The following INSR variants were observed in gnomAD, a reference collection of about 807,000 sequenced individuals.
The protein encoded by INSR is insulin receptor.
INSR carries 67 observed loss-of-function variants against 142.6 expected under a neutral mutation model. The ratio of observed to expected loss-of-function variants is 0.47; its 90% CI spans 0.39 to 0.58. The LOEUF is 0.58. Ranked by LOEUF, INSR falls within the 20% of genes least tolerant of loss-of-function variation. The probability of loss-of-function intolerance (pLI) is 0.00; values close to 1 mark genes in which losing one functional copy is unlikely to be tolerated. For synonymous variants in INSR, 756 were observed against 743.1 expected (o/e 1.02, Z -0.28); for missense variants, 1,248 against 1,833.2 (o/e 0.68, Z 5.83).
intron 2 of INSR, among the ~76,000 whole-genome samples, chr19:7,250,566 AAAGG>A (rs1976693126): frequency 7.3e-6 from 1 of 136,102 alleles, no homozygotes; most frequent in African/African-American, 2.7e-5. Flanking sequence ...AAATAAAGAA[AAAGG>A]AAGGAAGGAG....
intron 3 of INSR, among the ~76,000 whole-genome samples, chr19:7,181,773 G>T (rs1207644966): frequency 6.6e-6 from 1 of 151,448 alleles, no homozygotes; most frequent in Non-Finnish European, 1.5e-5. Flanking sequence ...TAAAGACGGG[G>T]TTTCACCGTG....
chr19:7,284,313 C>T (rs1392991507), intron 1 of INSR, among the ~76,000 whole-genome samples: 1 of 152,060 alleles, frequency 6.6e-6, no homozygotes, highest in Non-Finnish European at 1.5e-5. Context: ...ATCCACCTGC[C>T]TCAACCTCCC....
intron 1 of INSR, 34 bp downstream of exon 1, chr19:7,293,758 C>A: frequency 7.6e-7 from 1 of 1,319,512 alleles, no homozygotes; most frequent in Non-Finnish European, 9.7e-7. Context: ...CCCATCGCGG[C>A]GCTCCCCGCC....
At chr19:7,160,437 G>A (rs1021123727) in intron 9 of INSR, among the ~76,000 whole-genome samples, 1 of 146,362 alleles carries the variant, frequency 6.8e-6, no homozygotes, top group Admixed American at 6.6e-5. Context: ...ATGAGCCACT[G>A]TGCCCGGCCT....
intron 2 of INSR, among the ~76,000 whole-genome samples, chr19:7,197,838 G>GAGGGAGAA (rs1555750099): frequency 1.0e-5 from 1 of 100,424 alleles, no homozygotes; most frequent in African/African-American, 4.2e-5. Flanking sequence ...GAGAGAACGA[G>GAGGGAGAA]AGAGAGAGAG....
intron 2 of INSR, among the ~76,000 whole-genome samples, chr19:7,233,971 A>G (rs1235621164): frequency 6.6e-6 from 1 of 151,748 alleles, no homozygotes; most frequent in East Asian, 1.9e-4. Flanking sequence ...CAGTGGCGCA[A>G]TCTCGGCTCA....
At chr19:7,148,803 TA>T (rs1973247783) in intron 11 of INSR, among the ~76,000 whole-genome samples, 1 of 150,396 alleles carries the variant, frequency 6.6e-6, no homozygotes, top group African/African-American at 2.5e-5. Flanking sequence ...ATTTTATTTT[TA>T]TTTTTTTTGA....
At position 7,113,506 on chromosome 19, in the gene INSR, G is replaced by A. The variant is rs1599859473; in HGVS notation, c.*3550C>T. The A allele has an allele frequency of 6.6e-6, 1 of 152,314 alleles. No individual in the cohort carries two copies. The highest frequency in any genetic ancestry group is 1.9e-4 in the East Asian group (1 of 5,186). 9.4% of individuals were successfully genotyped at this position (152,314 alleles called of 1,614,324 possible). A position where few individuals can be genotyped will look rare whatever the true frequency, so the allele number is the denominator to read the frequency against. On this transcript the variant is annotated 3_prime_UTR_variant, in exon 22 of 22. Coordinates refer to ENST00000302850, the MANE Select transcript of INSR (RefSeq NM_000208.4). ...GTATTTGACATCACTGATGCAGAGA[G>A]AAAGTGATGTGCTTGGTATTCTCCT...
chr19:7,252,973 G>A (rs577175671), intron 2 of INSR, among the ~76,000 whole-genome samples: 21 of 152,118 alleles, frequency 1.4e-4, no homozygotes, highest in South Asian at 4.1e-4. Context: ...AAATTAGCCG[G>A]GCGTGGTGGC....
At chr19:7,277,497 C>CA (rs1257883935) in intron 1 of INSR, among the ~76,000 whole-genome samples, 1 of 152,106 alleles carries the variant, frequency 6.6e-6, no homozygotes, top group Admixed American at 6.6e-5. Context: ...AGTACTAAAA[C>CA]AAAGAACTGC....
chr19:7,203,002 T>TTGTTTTG (rs1975009031), intron 2 of INSR, among the ~76,000 whole-genome samples: 3 of 151,206 alleles, frequency 2.0e-5, no homozygotes, highest in Admixed American at 6.6e-5. Flanking sequence ...TGTTGTTTTT[T>TTGTTTTG]TTTTTTTTTT....
chr19:7,256,760 CATCT>C (rs1161150189), intron 2 of INSR, among the ~76,000 whole-genome samples: 1 of 151,758 alleles, frequency 6.6e-6, no homozygotes, highest in Non-Finnish European at 1.5e-5. Flanking sequence ...AAATGCCAAT[CATCT>C]GAGTGAAAAA....
chr19:7,259,516 G>A (rs911156267), intron 2 of INSR, among the ~76,000 whole-genome samples: 5 of 152,042 alleles, frequency 3.3e-5, no homozygotes, highest in Non-Finnish European at 7.4e-5. Context: ...AGACAATTCC[G>A]ATTGTTAAAA....
At chr19:7,141,403 T>A (rs1973066670) in intron 13 of INSR, 1 of 486,952 alleles carries the variant, frequency 2.1e-6, no homozygotes, top group Non-Finnish European at 3.8e-6. Context: ...GTGAAATGAG[T>A]CTCCTGTTGT....
At position 7,130,965 on chromosome 19, in the gene INSR, G is replaced by A. The variant is rs184165358; in HGVS notation, c.2842+1193C>T. On this transcript the variant is annotated intron_variant, in intron 14 of 21. Transcript: ENST00000302850. ...GTGATGTCGGCTCACTGCAACCTCC[G>A]CCTCCCGGGTTCAAGTGATTCTCCT... Among the ~76,000 whole-genome samples, 12 of 146,650 alleles carry A rather than the reference G, an allele frequency of 8.2e-5. 1 individual carries two copies. The East Asian group carries it at 2.4e-3, about 29-fold the overall frequency.
At chr19:7,210,662 G>A (rs950774369) in intron 2 of INSR, among the ~76,000 whole-genome samples, 22 of 151,992 alleles carry the variant, frequency 1.4e-4, no homozygotes, top group African/African-American at 3.1e-4. Context: ...AAGTTAAGGC[G>A]TGCCAAAACC....
rs772500676 is a variant in INSR, at chr19:7,256,931, C to CTTT, written c.652+10411_652+10413dup. Among the ~76,000 whole-genome samples the CTTT allele has an allele frequency of 3.7e-4, 41 of 109,474 alleles. 1 individual carries two copies. The highest frequency in any genetic ancestry group is 7.7e-4 in the Admixed American group (7 of 9,128). The allele number at this position is 109,474 out of a possible 152,430, so 71.8% of individuals were successfully genotyped here. On this transcript the variant is annotated intron_variant, in intron 2 of 21. Coordinates refer to ENST00000302850, the MANE Select transcript of INSR (RefSeq NM_000208.4). ...ATTCACGTTACATGCTCTACCCTACCTTTTTTTTTTTTTTTTTTTTTCTTT... is the reference window on the plus strand; with the variant it reads ...ATTCACGTTACATGCTCTACCCTACCTTTTTTTTTTTTTTTTTTTTTTTTCTTT...
intron 2 of INSR, among the ~76,000 whole-genome samples, chr19:7,233,127 G>T (rs907377364): frequency 2.0e-5 from 3 of 152,008 alleles, no homozygotes; most frequent in African/African-American, 7.2e-5. Flanking sequence ...CTGAGTAGCT[G>T]GGATTACAGG....
At chr19:7,191,134 T>G (rs1424182325) in intron 2 of INSR, among the ~76,000 whole-genome samples, 1 of 151,892 alleles carries the variant, frequency 6.6e-6, no homozygotes, top group Admixed American at 6.6e-5. Context: ...CCATCTCTAC[T>G]AAAAATACAA....
Sources: allele counts gnomAD v4.1 joint callset (sites outside exome capture counted in the v4.1 genomes callset), GRCh38; gene constraint gnomAD v4.1.1; transcripts MANE v1.5; gene names NCBI Gene and HGNC (gene_info 2026-07-23, HGNC 2026-07-21).